Variants in SGCZ observed in about 807,000 individuals in gnomAD.
The protein encoded by SGCZ is zeta-sarcoglycan.
SGCZ carries 40 observed loss-of-function variants against 41.3 expected under a neutral mutation model. The observed-to-expected ratio is 0.97, with a 90% CI of 0.75 to 1.26. The LOEUF (loss-of-function observed/expected upper bound fraction) is 1.26. SGCZ is among the 50% of genes most tolerant of loss of function. The pLI is 0.00. For missense variants in SGCZ, 552 were observed against 369.8 expected (o/e 1.49, Z -4.04); for synonymous variants, 206 against 137.5 (o/e 1.50, Z -3.49).
At position 14,554,893 on chromosome 8, in the gene SGCZ, G is replaced by C; in HGVS notation, c.73C>G (p.Gln25Glu). Residue 25 changes from glutamine to glutamate, a missense_variant, in exon 2 of 8, where the codon CAG (glutamine) becomes GAG (glutamate). Coordinates refer to ENST00000382080, the MANE Select transcript of SGCZ (RefSeq NM_139167.4). ...TREQYILATQ[Q>E]NNLPRTENAQ... ...TTCTCAGTCCTTGGCAGGTTATTCTGTTGGGTTGCTAGTATGTATTGTTCT... is the reference window on the plus strand; with the variant it reads ...TTCTCAGTCCTTGGCAGGTTATTCTCTTGGGTTGCTAGTATGTATTGTTCT... 6.2e-7 allele frequency: 1 copy of C among 1,612,380 alleles called. No individual in the cohort carries two copies. The highest frequency in any genetic ancestry group is 1.1e-5 in the South Asian group (1 of 90,970).
chr8:14,554,110 A>G (rs947333331), intron 2 of SGCZ, among the ~76,000 whole-genome samples: 1 of 152,060 alleles, frequency 6.6e-6, no homozygotes, highest in African/African-American at 2.4e-5. Flanking sequence ...AATACATTAT[A>G]CAATCATTTT....
intron 1 of SGCZ, among the ~76,000 whole-genome samples, chr8:14,599,512 T>C (rs928333627): frequency 2.0e-5 from 3 of 152,174 alleles, no homozygotes; most frequent in Non-Finnish European, 4.4e-5. Flanking sequence ...CTTTCTCTAG[T>C]CAATTTACCC....
At position 14,085,555 on chromosome 8, in the gene SGCZ, A is replaced by G. The variant is rs1388576174; in HGVS notation, c.*4888T>C. 6.6e-6 allele frequency among the ~76,000 whole-genome samples: 1 copy of G among 151,822 alleles called. No individual in the cohort carries two copies. Among genetic ancestry groups the G allele is most frequent in the Non-Finnish European group, 1.5e-5 (1 of 67,822 alleles). On this transcript the variant is annotated 3_prime_UTR_variant, in exon 8 of 8. Transcript: ENST00000382080. ...CTCAAAATGCAGAGCCACCTCAGTTAACAATTAAAAAATAGCCCTCTGGTT... is the reference window on the plus strand; with the variant it reads ...CTCAAAATGCAGAGCCACCTCAGTTGACAATTAAAAAATAGCCCTCTGGTT...
At chr8:14,482,711 T>A (rs949457106) in intron 2 of SGCZ, among the ~76,000 whole-genome samples, 1 of 151,964 alleles carries the variant, frequency 6.6e-6, no homozygotes, top group Non-Finnish European at 1.5e-5. Flanking sequence ...AGGGTGGGGA[T>A]CATACAACCT....
chr8:14,111,933 A>C (rs566161714), intron 5 of SGCZ, among the ~76,000 whole-genome samples: 1 of 152,338 alleles, frequency 6.6e-6, no homozygotes, highest in South Asian at 2.1e-4. Context: ...TTAAAATTAA[A>C]TGTAAGCACC....
At chr8:14,127,036 C>G (rs963378819) in intron 5 of SGCZ, among the ~76,000 whole-genome samples, 24 of 152,044 alleles carry the variant, frequency 1.6e-4, no homozygotes, top group Non-Finnish European at 3.4e-4. Context: ...TGGCTTAATA[C>G]CGAGGTGACA....
At chr8:14,958,214 GT>G (rs1388556974) in intron 1 of SGCZ, among the ~76,000 whole-genome samples, 3 of 151,544 alleles carry the variant, frequency 2.0e-5, no homozygotes, top group African/African-American at 7.3e-5. Flanking sequence ...ATTCTGATGA[GT>G]AAAAAAGGGA....
intron 2 of SGCZ, among the ~76,000 whole-genome samples, chr8:14,366,839 A>G (rs141200538): frequency 2.3e-3 from 351 of 152,268 alleles, no homozygotes; most frequent in African/African-American, 6.3e-3. Flanking sequence ...ATAAAGGCAC[A>G]AAACCTTTTT....
At chr8:14,985,095 AC>A (rs1461298431) in intron 1 of SGCZ, among the ~76,000 whole-genome samples, 8 of 152,216 alleles carry the variant, frequency 5.3e-5, no homozygotes, top group African/African-American at 1.7e-4. Flanking sequence ...ATGGTCAAAT[AC>A]GAAAGAATGA....
intron 1 of SGCZ, among the ~76,000 whole-genome samples, chr8:14,579,099 G>C (rs1419083197): frequency 6.6e-6 from 1 of 151,884 alleles, no homozygotes; most frequent in Non-Finnish European, 1.5e-5. Context: ...TTAATTTTGG[G>C]TTTCTTTCCC....
intron 2 of SGCZ, among the ~76,000 whole-genome samples, chr8:14,351,546 C>CATATAATTTAGAAGGATATATAAT (rs1803094372): frequency 6.6e-6 from 1 of 150,954 alleles, no homozygotes; most frequent in African/African-American, 2.4e-5. Context: ...TATAAATTAT[C>CATATAATTTAGAAGGATATATAAT]ATATAATTTA....
intron 1 of SGCZ, among the ~76,000 whole-genome samples, chr8:15,229,729 T>C (rs1412555140): frequency 6.6e-6 from 1 of 152,204 alleles, no homozygotes; most frequent in Non-Finnish European, 1.5e-5. Context: ...GGAATCACAA[T>C]GATAACAGCG....
intron 1 of SGCZ, among the ~76,000 whole-genome samples, chr8:14,643,586 G>A (rs1807097938): frequency 6.6e-6 from 1 of 151,264 alleles, no homozygotes; most frequent in African/African-American, 2.4e-5. Context: ...ACAATAAATG[G>A]ATGATAATGA....
At chr8:15,188,400 C>A (rs1482506357) in intron 1 of SGCZ, among the ~76,000 whole-genome samples, 1 of 152,162 alleles carries the variant, frequency 6.6e-6, no homozygotes, top group Non-Finnish European at 1.5e-5. Flanking sequence ...TATAGATCTA[C>A]ATTAGCTGAA....
chr8:14,185,672 G>GTGTTT (rs745718166), intron 4 of SGCZ, among the ~76,000 whole-genome samples: 4 of 151,710 alleles, frequency 2.6e-5, no homozygotes, highest in South Asian at 2.1e-4. Context: ...TTGTTTTGTT[G>GTGTTT]TGTTTTGTTT....
chr8:14,693,310 C>T (rs62493148), intron 1 of SGCZ, among the ~76,000 whole-genome samples: 1 of 149,774 alleles, frequency 6.7e-6, no homozygotes, highest in Non-Finnish European at 1.5e-5. Flanking sequence ...TTTTTTCCCC[C>T]AGATGAAATC....
intron 3 of SGCZ, among the ~76,000 whole-genome samples, chr8:14,270,750 T>C (rs1800030507): frequency 6.6e-6 from 1 of 152,118 alleles, no homozygotes; most frequent in Admixed American, 6.5e-5. Context: ...GAAACTGCGG[T>C]ATAGTATACA....
At chr8:15,093,742 G>T (rs567972480) in intron 1 of SGCZ, among the ~76,000 whole-genome samples, 1 of 152,082 alleles carries the variant, frequency 6.6e-6, no homozygotes, top group Non-Finnish European at 1.5e-5. Flanking sequence ...GATTTATGAC[G>T]ATTTGACGAG....
intron 3 of SGCZ, among the ~76,000 whole-genome samples, chr8:14,306,315 G>C (rs1258134953): frequency 6.6e-6 from 1 of 152,148 alleles, no homozygotes; most frequent in Non-Finnish European, 1.5e-5. Flanking sequence ...TTTCCTGCTA[G>C]AAGCTATGTA....
Sources: gnomAD v4.1 joint callset for allele counts (sites outside exome capture counted in the v4.1 genomes callset) on GRCh38, gnomAD v4.1.1 for gene constraint, MANE v1.5 for transcripts, NCBI Gene and HGNC (gene_info 2026-07-23, HGNC 2026-07-21) for gene names.